The following ZNF804B variants were observed in gnomAD, a reference collection of about 807,000 sequenced individuals.
The protein encoded by ZNF804B is zinc finger protein 804B.
ZNF804B carries 80 observed loss-of-function variants against 101.4 expected under a neutral mutation model. The ratio of observed to expected loss-of-function variants is 0.79; its 90% CI spans 0.66 to 0.95. ZNF804B has a LOEUF of 0.95. Among genes scored for constraint, ZNF804B ranks in the 40% least tolerant of loss-of-function variants. The pLI is 0.00. For synonymous variants in ZNF804B, 622 were observed against 558.8 expected (o/e 1.11, Z -1.59); for missense variants, 1,673 against 1,561.9 (o/e 1.07, Z -1.20).
chr7:88,919,903 T>C (rs576677904), intron 1 of ZNF804B, among the ~76,000 whole-genome samples: 56 of 152,178 alleles, frequency 3.7e-4, no homozygotes, highest in African/African-American at 1.3e-3. Flanking sequence ...ATGTGTTAAG[T>C]ACAGAAGCCA....
chr7:88,869,198 A>C (rs534965556), intron 1 of ZNF804B, among the ~76,000 whole-genome samples: 14 of 152,286 alleles, frequency 9.2e-5, no homozygotes, highest in African/African-American at 3.4e-4. Flanking sequence ...ATTTTAAAAA[A>C]CTTTTCAGCA....
intron 1 of ZNF804B, among the ~76,000 whole-genome samples, chr7:89,197,014 T>C (rs1341937830): frequency 7.0e-6 from 1 of 143,164 alleles, no homozygotes; most frequent in Non-Finnish European, 1.6e-5. Context: ...TTTTACACTG[T>C]TGGTGGGAGT....
intron 2 of ZNF804B, among the ~76,000 whole-genome samples, chr7:89,280,516 A>G (rs1790075467): frequency 6.6e-6 from 1 of 152,216 alleles, no homozygotes; most frequent in African/African-American, 2.4e-5. Context: ...CGCTAGCAAG[A>G]CTAATGAAGA....
Position 88,850,525 on chromosome 7 carries a change from CATCA to C in ZNF804B, c.108+90446_108+90449del, listed in dbSNP as rs1285400758. On this transcript the variant is annotated intron_variant, in intron 1 of 3. Transcript: ENST00000333190. ...AAACATCTGGGAATAGTCCTATTTCCATCAATCAGAGTGAAAAATCTTGTAATTT... is the reference window on the plus strand; with the variant it reads ...AAACATCTGGGAATAGTCCTATTTCCATCAGAGTGAAAAATCTTGTAATTT... Among the ~76,000 whole-genome samples, 3 of 152,070 alleles carry C rather than the reference CATCA, an allele frequency of 2.0e-5. No individual in the cohort carries two copies. The East Asian group carries it at 5.8e-4, about 29-fold the overall frequency.
chr7:89,198,775 C>T (rs1359581062), intron 1 of ZNF804B, among the ~76,000 whole-genome samples: 1 of 151,644 alleles, frequency 6.6e-6, no homozygotes, highest in Non-Finnish European at 1.5e-5. Context: ...AACAAAAAAC[C>T]TAGTCCATGT....
intron 1 of ZNF804B, among the ~76,000 whole-genome samples, chr7:89,181,835 A>G (rs1202175609): frequency 8.6e-5 from 13 of 152,014 alleles, no homozygotes; most frequent in Non-Finnish European, 1.8e-4. Context: ...CTTCATGAAA[A>G]CTCACTGATC....
Position 89,334,086 on chromosome 7 carries a change from C to T in ZNF804B, c.1104C>T (p.Ser368=). 1 of 1,613,630 alleles carries T rather than the reference C, an allele frequency of 6.2e-7. No homozygotes were observed. The highest frequency in any genetic ancestry group is 8.5e-7 in the Non-Finnish European group (1 of 1,179,798). Residue 368 remains serine (S), a synonymous_variant, in exon 4 of 4, where the codon AGC becomes AGT. Transcript: ENST00000333190. ...CATGCCAAGCAAATGCTTCCTTCAG[C>T]CCACCAAACATTTACAACCATAGTG... ...NHPCQANASF[S]PPNIYNHSDA...
chr7:88,776,249 C>A (rs575021994), intron 1 of ZNF804B, among the ~76,000 whole-genome samples: 1 of 152,320 alleles, frequency 6.6e-6, no homozygotes, highest in African/African-American at 2.4e-5. Context: ...AACAGGTTTT[C>A]ATGACTCCTT....
chr7:89,056,334 A>G (rs1300558592), intron 1 of ZNF804B, among the ~76,000 whole-genome samples: 3 of 152,096 alleles, frequency 2.0e-5, no homozygotes, highest in African/African-American at 7.2e-5. Context: ...CTCTAAGGGA[A>G]GTGTCATTAC....
Position 89,181,371 on chromosome 7 carries a change from C to A in ZNF804B, c.109-36784C>A, listed in dbSNP as rs1451850654. ...GGGCTAGCCATAACTTATGTTCTGA[C>A]TTCTGGGATGGACAATTCCTCTCTG... On this transcript the variant is annotated intron_variant, in intron 1 of 3. Coordinates refer to ENST00000333190, the MANE Select transcript of ZNF804B (RefSeq NM_181646.5). Among the ~76,000 whole-genome samples the A allele has an allele frequency of 2.6e-5, 4 of 152,204 alleles. No homozygotes were observed. The East Asian group carries it at 7.7e-4, about 29-fold the overall frequency.
At chr7:89,160,471 A>G (rs1318956644) in intron 1 of ZNF804B, among the ~76,000 whole-genome samples, 3 of 152,328 alleles carry the variant, frequency 2.0e-5, no homozygotes, top group South Asian at 2.1e-4. Flanking sequence ...TGTTCCAGCC[A>G]TGAAAAGATC....
intron 1 of ZNF804B, among the ~76,000 whole-genome samples, chr7:89,153,938 C>T (rs10486903): frequency 0.3 from 45,003 of 151,896 alleles, 6,810 homozygotes; most frequent in South Asian, 0.38. Flanking sequence ...TTTGACCATT[C>T]ACTCAGATGC....
chr7:88,999,719 G>T (rs905639199), intron 1 of ZNF804B, among the ~76,000 whole-genome samples: 2 of 151,922 alleles, frequency 1.3e-5, no homozygotes, highest in African/African-American at 4.8e-5. Flanking sequence ...CATTTTACAA[G>T]AAGCTTATTT....
At chr7:89,280,612 T>G (rs185459682) in intron 2 of ZNF804B, among the ~76,000 whole-genome samples, 2 of 152,166 alleles carry the variant, frequency 1.3e-5, no homozygotes, top group East Asian at 3.9e-4. Flanking sequence ...TACCATCAGA[T>G]AATTCTACAA....
chr7:88,774,070 A>G (rs987363162), intron 1 of ZNF804B, among the ~76,000 whole-genome samples: 2 of 152,138 alleles, frequency 1.3e-5, no homozygotes, highest in African/African-American at 4.8e-5. Context: ...GGACTGAGAT[A>G]GTTATCTCTG....
rs1449924350 is a variant in ZNF804B, at chr7:89,113,614, G to A, written c.109-104541G>A. Among the ~76,000 whole-genome samples, 3 of 152,186 alleles carry A rather than the reference G, an allele frequency of 2.0e-5. No homozygotes were observed. The East Asian group carries it at 5.8e-4, about 29-fold the overall frequency. On this transcript the variant is annotated intron_variant, in intron 1 of 3. Coordinates refer to ENST00000333190, the MANE Select transcript of ZNF804B (RefSeq NM_181646.5). ...CTCATTATTTAGCTGGGACAAATTG[G>A]TGTATATTTATATATTGAGGGCAAA...
chr7:88,846,604 C>T (rs1205398901), intron 1 of ZNF804B, among the ~76,000 whole-genome samples: 1 of 152,134 alleles, frequency 6.6e-6, no homozygotes, highest in African/African-American at 2.4e-5. Context: ...ACTGCTCACA[C>T]ACAATGCTTA....
At chr7:89,049,357 A>G (rs1386824715) in intron 1 of ZNF804B, among the ~76,000 whole-genome samples, 8 of 152,158 alleles carry the variant, frequency 5.3e-5, no homozygotes, top group Admixed American at 4.6e-4. Flanking sequence ...CTTATGGTTC[A>G]CTTCTCTGAT....
chr7:88,840,702 G>GC (rs141902947), intron 1 of ZNF804B, among the ~76,000 whole-genome samples: 3,932 of 152,110 alleles, frequency 0.026, 131 homozygotes, highest in African/African-American at 0.073. Context: ...TAACTAATAA[G>GC]CACTAGATTG....
Sources: gnomAD v4.1 joint callset for allele counts (sites outside exome capture counted in the v4.1 genomes callset) on GRCh38, gnomAD v4.1.1 for gene constraint, MANE v1.5 for transcripts, NCBI Gene and HGNC (gene_info 2026-07-23, HGNC 2026-07-21) for gene names.